The following PLXDC2 variants were observed in gnomAD, a reference collection of about 807,000 sequenced individuals.
The protein encoded by PLXDC2 is plexin domain containing 2, also known as plexin domain-containing protein 2.
In PLXDC2, 40 loss-of-function variants were observed where a neutral mutation model predicts 68.9. The observed-to-expected ratio is 0.58, with a 90% CI of 0.45 to 0.76. The LOEUF (loss-of-function observed/expected upper bound fraction) is 0.76. Ranked by LOEUF, PLXDC2 falls within the 30% of genes least tolerant of loss-of-function variation. The pLI is 0.00. For missense variants in PLXDC2, 644 were observed against 661.9 expected (o/e 0.97, Z 0.30); for synonymous variants, 243 against 234.2 (o/e 1.04, Z -0.34).
intron 3 of PLXDC2, among the ~76,000 whole-genome samples, chr10:20,065,831 A>G (rs1232295213): frequency 6.6e-6 from 1 of 152,216 alleles, no homozygotes; most frequent in East Asian, 1.9e-4. Flanking sequence ...AACGCAAGCC[A>G]TGGGGAGTGG....
intron 5 of PLXDC2, among the ~76,000 whole-genome samples, chr10:20,144,113 T>G (rs550849964): frequency 8.1e-4 from 123 of 152,204 alleles, no homozygotes; most frequent in African/African-American, 2.9e-3. Context: ...AGCTGTAACT[T>G]TGGTAGAGAA....
intron 1 of PLXDC2, among the ~76,000 whole-genome samples, chr10:19,856,656 T>C (rs1370297041): frequency 6.6e-6 from 1 of 152,208 alleles, no homozygotes; most frequent in East Asian, 1.9e-4. Flanking sequence ...CCCTGACAGC[T>C]CAACACTGGC....
At chr10:19,906,141 A>C (rs943385984) in intron 1 of PLXDC2, among the ~76,000 whole-genome samples, 1 of 152,104 alleles carries the variant, frequency 6.6e-6, no homozygotes, top group African/African-American at 2.4e-5. Flanking sequence ...GAGGGACTAA[A>C]GTGTGAGTGC....
chr10:19,915,359 T>C (rs575457197), intron 1 of PLXDC2, among the ~76,000 whole-genome samples: 46 of 152,308 alleles, frequency 3.0e-4, no homozygotes, highest in African/African-American at 1.1e-3. Flanking sequence ...CTAATATCAA[T>C]ATTTTGGCAC....
chr10:20,246,709 G>C (rs1052455871), intron 13 of PLXDC2, among the ~76,000 whole-genome samples: 1 of 152,194 alleles, frequency 6.6e-6, no homozygotes, highest in African/African-American at 2.4e-5. Context: ...ACACCAGATA[G>C]AACTAGAAAT....
At chr10:20,127,249 G>C (rs1341790255) in intron 4 of PLXDC2, among the ~76,000 whole-genome samples, 1 of 152,170 alleles carries the variant, frequency 6.6e-6, no homozygotes, top group Non-Finnish European at 1.5e-5. Context: ...ACAGTGAAGA[G>C]ATTGTCAGCA....
chr10:19,833,980 G>A (rs1836742790), intron 1 of PLXDC2, among the ~76,000 whole-genome samples: 1 of 150,710 alleles, frequency 6.6e-6, no homozygotes, highest in Non-Finnish European at 1.5e-5. Context: ...ACTGTATGGA[G>A]GCCTTTAGTG....
chr10:20,161,514 A>G (rs1834291908), intron 6 of PLXDC2, among the ~76,000 whole-genome samples: 1 of 151,034 alleles, frequency 6.6e-6, no homozygotes, highest in Non-Finnish European at 1.5e-5. Flanking sequence ...TGAGCCTGGA[A>G]TCTGAGTGGG....
intron 1 of PLXDC2, among the ~76,000 whole-genome samples, chr10:19,903,810 T>C (rs1838199273): frequency 6.6e-6 from 1 of 152,114 alleles, no homozygotes; most frequent in Non-Finnish European, 1.5e-5. Context: ...CTTTTTGATG[T>C]AGGCATGAAT....
chr10:19,963,608 G>A (rs1050566298), intron 1 of PLXDC2, among the ~76,000 whole-genome samples: 1 of 152,106 alleles, frequency 6.6e-6, no homozygotes, highest in African/African-American at 2.4e-5. Flanking sequence ...AACACCGCAT[G>A]TTCTCACTCA....
chr10:19,841,235 A>G (rs1431377464), intron 1 of PLXDC2, among the ~76,000 whole-genome samples: 2 of 152,088 alleles, frequency 1.3e-5, no homozygotes, highest in Non-Finnish European at 2.9e-5. Flanking sequence ...CCATCATCAC[A>G]CTTTGAAATG....
intron 4 of PLXDC2, among the ~76,000 whole-genome samples, chr10:20,141,451 C>T (rs57636527): frequency 0.036 from 5,470 of 152,020 alleles, 336 homozygotes; most frequent in African/African-American, 0.12. Flanking sequence ...AATAACTGCC[C>T]TCCATCCTCC....
At chr10:20,140,773 C>A (rs1464522638) in intron 4 of PLXDC2, among the ~76,000 whole-genome samples, 1 of 151,890 alleles carries the variant, frequency 6.6e-6, no homozygotes, top group Non-Finnish European at 1.5e-5. Context: ...ATATAAGTAA[C>A]TTTCAATATG....
At chr10:20,156,898 C>T (rs1834224491) in intron 6 of PLXDC2, among the ~76,000 whole-genome samples, 1 of 152,206 alleles carries the variant, frequency 6.6e-6, no homozygotes, top group Non-Finnish European at 1.5e-5. Flanking sequence ...AGACAACTCA[C>T]CATTAATATT....
chr10:20,135,894 C>G (rs1223663603), intron 4 of PLXDC2, among the ~76,000 whole-genome samples: 1 of 152,122 alleles, frequency 6.6e-6, no homozygotes, highest in Non-Finnish European at 1.5e-5. Flanking sequence ...TTTACCTTGA[C>G]AGCTGGTTAC....
chr10:20,279,367 C>T (rs2681948), intron 13 of PLXDC2, among the ~76,000 whole-genome samples: 129,531 of 152,010 alleles, frequency 0.85, 55,640 homozygotes, highest in Middle Eastern at 0.94. Context: ...AAAATATTTT[C>T]TATTACAGTT....
At chr10:20,065,927 G>A (rs769661851) in intron 3 of PLXDC2, among the ~76,000 whole-genome samples, 4 of 152,250 alleles carry the variant, frequency 2.6e-5, no homozygotes, top group Non-Finnish European at 2.9e-5. Flanking sequence ...ATGGCCTGTG[G>A]CCTGGGAGTT....
intron 1 of PLXDC2, among the ~76,000 whole-genome samples, chr10:19,853,413 AT>A (rs1303507817): frequency 6.6e-6 from 1 of 151,248 alleles, no homozygotes; most frequent in East Asian, 1.9e-4. Flanking sequence ...TTTAATTTTA[AT>A]TTTTATTTAT....
At chr10:19,871,269 A>T (rs1837529323) in intron 1 of PLXDC2, among the ~76,000 whole-genome samples, 1 of 152,216 alleles carries the variant, frequency 6.6e-6, no homozygotes, top group Non-Finnish European at 1.5e-5. Flanking sequence ...AAAGGAATTG[A>T]TGAGGACCTT....
Sources: gnomAD v4.1 joint callset for allele counts (sites outside exome capture counted in the v4.1 genomes callset) on GRCh38, gnomAD v4.1.1 for gene constraint, MANE v1.5 for transcripts, NCBI Gene and HGNC (gene_info 2026-07-23, HGNC 2026-07-21) for gene names.